The following MRPS21 variants were observed in gnomAD, a reference collection of about 807,000 sequenced individuals.
MRPS21 encodes mitochondrial ribosomal protein S21.
Under a neutral mutation model 9.9 loss-of-function variants are expected in MRPS21, and 8 were observed. The observed-to-expected ratio is 0.81, with a 90% CI of 0.47 to 1.45. The LOEUF is 1.45. Ranked by LOEUF, MRPS21 falls within the 40% of genes most tolerant of loss-of-function variation. The pLI is 0.00. For synonymous variants in MRPS21, 40 were observed against 40.3 expected (o/e 0.99, Z 0.03); for missense variants, 101 against 118.9 (o/e 0.85, Z 0.70).
At chr1:150,307,545 A>C (rs1654386789) in intron 2 of MRPS21, among the ~76,000 whole-genome samples, 1 of 151,512 alleles carries the variant, frequency 6.6e-6, no homozygotes, top group African/African-American at 2.4e-5. Context: ...ATTTGCAGAG[A>C]CGGGGTTTTG....
At chr1:150,302,314 TG>T (rs1654167519) in intron 2 of MRPS21, among the ~76,000 whole-genome samples, 1 of 152,092 alleles carries the variant, frequency 6.6e-6, no homozygotes, top group Non-Finnish European at 1.5e-5. Context: ...GTTATATAAC[TG>T]GGGGCCCTCA....
intron 2 of MRPS21, among the ~76,000 whole-genome samples, chr1:150,297,678 T>TGGTCTGG (rs1653965899): frequency 6.6e-6 from 1 of 150,940 alleles, no homozygotes; most frequent in Non-Finnish European, 1.5e-5. Context: ...AAAAAAAATC[T>TGGTCTGG]GGTCTGGGGT....
intron 2 of MRPS21, among the ~76,000 whole-genome samples, chr1:150,300,749 T>G (rs1343470368): frequency 6.6e-6 from 1 of 152,210 alleles, no homozygotes; most frequent in African/African-American, 2.4e-5. Context: ...CCTTTGGCAT[T>G]CTGTTAATTA....
intron 1 of MRPS21, 101 bp from the exon 2 acceptor site, chr1:150,294,234 G>A (rs1572140466): frequency 2.7e-6 from 2 of 731,030 alleles, no homozygotes; most frequent in Non-Finnish European, 4.8e-6. Flanking sequence ...GCGTCCCTGA[G>A]CATGTTGAAT....
intron 2 of MRPS21, among the ~76,000 whole-genome samples, chr1:150,307,011 AGCAAGG>A (rs1553858619): frequency 6.6e-6 from 1 of 151,078 alleles, no homozygotes; most frequent in African/African-American, 2.4e-5. Flanking sequence ...ACTCTCCAAG[AGCAAGG>A]GCCATGTAAT....
intron 2 of MRPS21, among the ~76,000 whole-genome samples, chr1:150,296,582 A>G (rs1440348968): frequency 1.3e-5 from 2 of 152,142 alleles, no homozygotes; most frequent in Non-Finnish European, 2.9e-5. Flanking sequence ...ATGTCTCTTA[A>G]AAAAAATGTA....
intron 2 of MRPS21, among the ~76,000 whole-genome samples, chr1:150,299,731 A>G (rs1487063288): frequency 2.6e-5 from 4 of 152,162 alleles, no homozygotes; most frequent in African/African-American, 9.7e-5. Flanking sequence ...CTGGGATTAC[A>G]GGTGTGAGCC....
chr1:150,296,248 C>T (rs980786520), intron 2 of MRPS21, among the ~76,000 whole-genome samples: 2 of 152,138 alleles, frequency 1.3e-5, no homozygotes, highest in African/African-American at 4.8e-5. Flanking sequence ...GCATCCGGCC[C>T]AGCCCTAGTA....
chr1:150,300,925 C>T (rs1297877213), intron 2 of MRPS21, among the ~76,000 whole-genome samples: 1 of 152,028 alleles, frequency 6.6e-6, no homozygotes, highest in African/African-American at 2.4e-5. Flanking sequence ...TGGCCAGGCG[C>T]GGTGGCTCAC....
chr1:150,303,980 T>C, intron 2 of MRPS21: 1 of 454,228 alleles, frequency 2.2e-6, no homozygotes, highest in Admixed American at 2.4e-5. Context: ...CACAACCCAA[T>C]GAGGGGTTCA....
rs1417151313 is a variant in MRPS21 at position 150,308,114 on chromosome 1, C to T, written c.150C>T (p.Cys50=). 2 of 1,607,736 alleles carry T rather than the reference C, an allele frequency of 1.2e-6. No individual in the cohort carries two copies. The highest frequency in any genetic ancestry group is 2.7e-5 in the African/African-American group (2 of 74,836). ...KHRRYYEKPC[C]RRQRESYERC... ...GGCGGTATTATGAGAAGCCATGCTG[C>T]CGGCGACAGAGGGAAAGCTATGAAA... Residue 50 remains cysteine, a synonymous_variant, in exon 3 of 3, where the codon TGC becomes TGT. Coordinates refer to ENST00000614145, the MANE Select transcript of MRPS21 (RefSeq NM_031901.6).
intron 2 of MRPS21, among the ~76,000 whole-genome samples, chr1:150,298,360 A>C (rs757316003): frequency 1.3e-5 from 2 of 152,102 alleles, no homozygotes; most frequent in Non-Finnish European, 2.9e-5. Context: ...TCTCCCTGTA[A>C]ATCTTCTTCT....
intron 2 of MRPS21, 64 bp downstream of exon 2, chr1:150,294,513 C>T: frequency 7.4e-7 from 1 of 1,360,156 alleles, no homozygotes; most frequent in South Asian, 1.2e-5. Context: ...TATTCTCTCC[C>T]TTCCCCTTTC....
intron 1 of MRPS21, 69 bp from the exon 2 acceptor site, chr1:150,294,266 C>T (rs1045986878): frequency 8.4e-6 from 9 of 1,069,366 alleles, no homozygotes; most frequent in Non-Finnish European, 1.3e-5. Flanking sequence ...AAATAAGCCG[C>T]GCGGTGTAGT....
intron 2 of MRPS21, among the ~76,000 whole-genome samples, chr1:150,295,952 CTTT>C (rs35860472): frequency 1.0e-4 from 12 of 115,778 alleles, no homozygotes; most frequent in Admixed American, 1.7e-4. Flanking sequence ...CCTAGTAATA[CTTT>C]TTTTTTTTTT....
chr1:150,302,324 C>T (rs1654167874), intron 2 of MRPS21, among the ~76,000 whole-genome samples: 3 of 152,114 alleles, frequency 2.0e-5, no homozygotes. Context: ...TGGGGGCCCT[C>T]ATTGGTGCCC....
Position 150,308,058 on chromosome 1 carries a change from A to G in MRPS21, c.94A>G (p.Met32Val). ...AYRTLNRILT[M>V]DGLIEDIKHR... ...CTTGCCTTTATACAGAATCCTCACT[A>G]TGGATGGGCTCATTGAGGACATTAA... is the stretch of plus-strand genomic sequence containing the variant. The change falls in exon 3 of 3, where the codon ATG (methionine) becomes GTG (valine). Residue 32 changes from methionine to valine, a missense_variant. By Grantham distance (21) the Met-to-Val change is conservative (BLOSUM62 1). Coordinates refer to ENST00000614145, the MANE Select transcript of MRPS21 (RefSeq NM_031901.6). 1.9e-6 allele frequency: 3 copies of G among 1,584,784 alleles called. No homozygotes were observed. Among genetic ancestry groups the G allele is most frequent in the Middle Eastern group, 1.7e-4 (1 of 5,944 alleles).
chr1:150,299,589 G>T (rs1175709343), intron 2 of MRPS21, among the ~76,000 whole-genome samples: 5 of 152,044 alleles, frequency 3.3e-5, no homozygotes, highest in African/African-American at 9.7e-5. Context: ...CGTGTAGCTG[G>T]GATTACAGGC....
At chr1:150,303,612 TATAGTTCC>T (rs1252955609) in intron 2 of MRPS21, among the ~76,000 whole-genome samples, 1 of 152,212 alleles carries the variant, frequency 6.6e-6, no homozygotes, top group East Asian at 1.9e-4. Flanking sequence ...GAATTCTGTT[TATAGTTCC>T]ATTTTGTGAT....
Sources: allele counts gnomAD v4.1 joint callset (sites outside exome capture counted in the v4.1 genomes callset), GRCh38; gene constraint gnomAD v4.1.1; transcripts MANE v1.5; gene names NCBI Gene and HGNC (gene_info 2026-07-23, HGNC 2026-07-21).